Variants in DYNC1I1 observed in about 807,000 individuals in gnomAD.
The protein encoded by DYNC1I1 is dynein cytoplasmic 1 intermediate chain 1.
In DYNC1I1, 43 loss-of-function variants were observed where a neutral mutation model predicts 86.6. The observed-to-expected ratio is 0.50, with a 90% confidence interval of 0.39 to 0.64. DYNC1I1 has a LOEUF of 0.64. Among genes scored for constraint, DYNC1I1 ranks in the 30% least tolerant of loss-of-function variants. The pLI is 0.00. For synonymous variants in DYNC1I1, 262 were observed against 283.7 expected, an observed-to-expected ratio of 0.92 and a Z score of 0.77; for missense variants, 604 against 788.8, an observed-to-expected ratio of 0.77 and a Z score of 2.81.
At chr7:95,994,573 T>G (rs10480428) in intron 9 of DYNC1I1, among the ~76,000 whole-genome samples, 27,625 of 151,908 alleles carry the variant, frequency 0.18, 3,045 homozygotes, top group African/African-American at 0.31. Context: ...TCAAAACTAG[T>G]CCAGTGAGGC....
At chr7:96,050,411 G>C (rs1260048191) in intron 14 of DYNC1I1, among the ~76,000 whole-genome samples, 1 of 152,178 alleles carries the variant, frequency 6.6e-6, no homozygotes, top group Non-Finnish European at 1.5e-5. Flanking sequence ...TAGAAATACT[G>C]TAGTTAAATG....
chr7:96,064,043 G>A (rs537463668), intron 14 of DYNC1I1, among the ~76,000 whole-genome samples: 8 of 152,244 alleles, frequency 5.3e-5, no homozygotes, highest in African/African-American at 9.6e-5. Context: ...TGCAGAGACC[G>A]TTGATCACCA....
intron 5 of DYNC1I1, among the ~76,000 whole-genome samples, chr7:95,854,984 G>A (rs1371069162): frequency 6.6e-6 from 1 of 152,152 alleles, no homozygotes; most frequent in African/African-American, 2.4e-5. Context: ...ATCCCGATAG[G>A]TTGCTGTTCA....
intron 15 of DYNC1I1, 116 bp from the exon 16 acceptor site, chr7:96,080,247 T>TTA: frequency 7.5e-7 from 1 of 1,334,964 alleles, no homozygotes; most frequent in Non-Finnish European, 1.0e-6. Context: ...GGATGTGTAT[T>TTA]ACTTAATGCA....
At chr7:96,035,826 C>G (rs1794915609) in intron 13 of DYNC1I1, 74 bp downstream of exon 13, 1 of 1,584,132 alleles carries the variant, frequency 6.3e-7, no homozygotes, top group African/African-American at 1.4e-5. Flanking sequence ...TGGATTTTAA[C>G]CACCTTGCAT....
intron 10 of DYNC1I1, among the ~76,000 whole-genome samples, chr7:96,000,487 G>T (rs1793982155): frequency 6.6e-6 from 1 of 152,186 alleles, no homozygotes; most frequent in South Asian, 2.1e-4. Context: ...TCAGACCAGA[G>T]AAATAGTGCC....
intron 5 of DYNC1I1, among the ~76,000 whole-genome samples, chr7:95,839,611 T>C (rs2116004508): frequency 6.6e-6 from 1 of 152,340 alleles, no homozygotes; most frequent in South Asian, 2.1e-4. Context: ...ACCACCTTTA[T>C]AACAATGTAG....
chr7:95,919,817 A>C (rs1791564509), intron 6 of DYNC1I1, among the ~76,000 whole-genome samples: 1 of 152,246 alleles, frequency 6.6e-6, no homozygotes, highest in Non-Finnish European at 1.5e-5. Flanking sequence ...AAGAGTTCCC[A>C]GTGGTCAAAG....
At chr7:96,089,168 A>T (rs375772961) in intron 16 of DYNC1I1, among the ~76,000 whole-genome samples, 1 of 138,212 alleles carries the variant, frequency 7.2e-6, no homozygotes, top group African/African-American at 2.8e-5. Flanking sequence ...AAAAAAAAAA[A>T]GTTACCCTTG....
intron 14 of DYNC1I1, among the ~76,000 whole-genome samples, chr7:96,058,777 G>T (rs1789661636): frequency 1.3e-5 from 2 of 150,446 alleles, no homozygotes; most frequent in African/African-American, 4.9e-5. Context: ...GAAATTACAG[G>T]CATGTGCTAC....
intron 9 of DYNC1I1, among the ~76,000 whole-genome samples, chr7:95,991,950 T>C (rs971603776): frequency 3.9e-5 from 6 of 152,166 alleles, no homozygotes; most frequent in African/African-American, 1.4e-4. Context: ...AACCTCTGCC[T>C]TCTGGGTTCA....
At chr7:96,000,389 T>C (rs965893788) in intron 10 of DYNC1I1, among the ~76,000 whole-genome samples, 1 of 152,186 alleles carries the variant, frequency 6.6e-6, no homozygotes, top group African/African-American at 2.4e-5. Flanking sequence ...ATACACATTT[T>C]GAAGAATAAA....
chr7:95,984,417 G>T (rs1445813642), intron 7 of DYNC1I1, among the ~76,000 whole-genome samples: 1 of 151,878 alleles, frequency 6.6e-6, no homozygotes, highest in Non-Finnish European at 1.5e-5. Context: ...ATTTAATATT[G>T]CCAGCTTGAC....
chr7:96,080,228 CG>C (rs1790471874), intron 15 of DYNC1I1, 134 bp from the exon 16 acceptor site: 1 of 1,133,716 alleles, frequency 8.8e-7, no homozygotes, highest in Non-Finnish European at 1.2e-6. Context: ...TTTTTCCCCC[CG>C]GCACAAGGGA....
intron 15 of DYNC1I1, 71 bp downstream of exon 15, chr7:96,076,268 C>T: frequency 1.3e-6 from 2 of 1,569,166 alleles, no homozygotes; most frequent in East Asian, 2.3e-5. Flanking sequence ...GCAGTCTCTC[C>T]CTCTTTCTCC....
chr7:95,893,099 A>C (rs530677501), intron 6 of DYNC1I1, among the ~76,000 whole-genome samples: 4 of 152,224 alleles, frequency 2.6e-5, no homozygotes, highest in Non-Finnish European at 5.9e-5. Flanking sequence ...GAGGGTTAAA[A>C]ATAGCTTCCT....
chr7:95,795,625 CTAACGCAGGAATGGG>C (rs1218293754), intron 1 of DYNC1I1, among the ~76,000 whole-genome samples: 1 of 152,110 alleles, frequency 6.6e-6, no homozygotes, highest in Admixed American at 6.6e-5. Flanking sequence ...CCTTAGCAAA[CTAACGCAGGAATGGG>C]AAACCAAATA....
rs573855349 is a variant in DYNC1I1, at chr7:95,786,878, G to A, written c.-10+14105G>A. 2.0e-5 allele frequency among the ~76,000 whole-genome samples: 3 copies of A among 152,256 alleles called. No individual in the cohort carries two copies. The South Asian group carries it at 6.2e-4, about 32-fold the overall frequency. On this transcript the variant is annotated intron_variant, in intron 1 of 16. Coordinates refer to ENST00000447467, the MANE Select transcript of DYNC1I1 (RefSeq NM_001135556.2). Reference sequence around the variant, plus strand: ...CTGCTAAAGGAGTTTGGGGTTATGTGACTGTATATGGACATGTGTGTGGGT... The same window carrying A: ...CTGCTAAAGGAGTTTGGGGTTATGTAACTGTATATGGACATGTGTGTGGGT...
rs528256911 is a variant in DYNC1I1, at chr7:96,104,552, G to A, written c.1543-5427G>A. 1.1e-3 allele frequency among the ~76,000 whole-genome samples: 161 copies of A among 152,232 alleles called. 6 individuals are homozygous for A. In the South Asian group the frequency reaches 0.033, roughly 31 times the overall value. On this transcript the variant is annotated intron_variant, in intron 16 of 16. Coordinates refer to the DYNC1I1 transcript ENST00000537881. ...TTAAATTAATTTTTGTGTATGGAAT[G>A]AGGTAGTGGTAAACATTATTTTTTA...
Sources: allele counts gnomAD v4.1 joint callset (sites outside exome capture counted in the v4.1 genomes callset), GRCh38; gene constraint gnomAD v4.1.1; transcripts MANE v1.5; gene names NCBI Gene and HGNC (gene_info 2026-07-23, HGNC 2026-07-21).